The following PCDHGB5 variants were observed in gnomAD, a reference collection of about 807,000 sequenced individuals.
PCDHGB5 encodes the protein protocadherin gamma subfamily B, 5, also known as protocadherin gamma-B5.
In PCDHGB5, 48 loss-of-function variants were observed where a neutral mutation model predicts 62.9. The observed-to-expected ratio is 0.76, with a 90% CI of 0.61 to 0.97. The LOEUF is 0.97. PCDHGB5 is among the 50% of genes least tolerant of loss of function. PCDHGB5 has a pLI of 0.00. For synonymous variants in PCDHGB5, 474 were observed against 511.2 expected (o/e 0.93, Z 0.98); for missense variants, 1,118 against 1,198.6 (o/e 0.93, Z 0.99).
intron 2 of PCDHGB5, among the ~76,000 whole-genome samples, chr5:141,500,008 C>T (rs1027220192): frequency 6.6e-6 from 1 of 151,770 alleles, no homozygotes; most frequent in African/African-American, 2.4e-5. Flanking sequence ...TTCATAAGGT[C>T]CACATTTTAT....
In PCDHGB5 at chr5:141,400,210, A is replaced by C. The variant is rs201102949; in HGVS notation, c.2083A>C (p.Ile695Leu). 1.2e-3 allele frequency: 1,976 copies of C among 1,613,732 alleles called. 4 individuals are homozygous for C. The highest frequency in any genetic ancestry group is 1.6e-3 in the Non-Finnish European group (1,832 of 1,179,862). ...TTACCTAGTGGTGGCCTTGGCCTTG[A>C]TCTCAGTGCTCTTCCTCCTGGCCGT... Reference protein sequence around the residue: ...QFYLVVALALISVLFLLAVIL... With the variant: ...QFYLVVALALLSVLFLLAVIL... Residue 695 changes from isoleucine to leucine, a missense_variant, in exon 1 of 4, where the codon ATC (isoleucine) becomes CTC (leucine). Coordinates refer to ENST00000617380, the MANE Select transcript of PCDHGB5 (RefSeq NM_018925.3).
Position 141,398,834 on chromosome 5 carries a change from A to G in PCDHGB5, c.707A>G (p.Asn236Ser), listed in dbSNP as rs201953825. Residue 236 changes from asparagine to serine, a missense_variant, in exon 1 of 4, where the codon AAT becomes AGT. Asn to Ser is a conservative substitution (Grantham distance 46). Around this residue, in one of 2 missense-constraint regions of PCDHGB5, gnomAD observed 1,034 missense variants for 1,029.1 expected, o/e 1.00. Transcript: ENST00000617380. Reference sequence around the variant, plus strand: ...CTCCGGATCCAGGTAACCGACGCCAATGATAATCCCCCGGTATTCAACCGA... The same window carrying G: ...CTCCGGATCCAGGTAACCGACGCCAGTGATAATCCCCCGGTATTCAACCGA... The part of the protein sequence containing the change: ...TELRIQVTDA[N>S]DNPPVFNRDV... The G allele has an allele frequency of 3.9e-4, 623 of 1,614,014 alleles. 4 individuals are homozygous for G. In the South Asian group the frequency reaches 4.2e-3, roughly 11 times the overall value.
At chr5:141,468,774 G>A (rs1229480462) in intron 1 of PCDHGB5, among the ~76,000 whole-genome samples, 4 of 152,028 alleles carry the variant, frequency 2.6e-5, no homozygotes, top group Non-Finnish European at 4.4e-5. Flanking sequence ...GCTGAGGCAG[G>A]AGAATGGCGT....
At position 141,400,385 on chromosome 5, in the gene PCDHGB5, C is replaced by G. The variant is rs903146096; in HGVS notation, c.2258C>G (p.Ala753Gly). ...TLPYSYNLCV[A>G]HTGKTEFNFL... ...CCTTATTCCTACAACCTATGTGTTG[C>G]ACATACAGGAAAGACGGAGTTTAAT... The change falls in exon 1 of 4, where the codon GCA (alanine) becomes GGA (glycine). Residue 753 changes from alanine to glycine, a missense_variant. Ala to Gly is a moderately conservative substitution (Grantham distance 60). This residue lies in a region of PCDHGB5 where 1,034 missense variants were observed against 1,029.1 expected (regional missense o/e 1.00). Coordinates refer to ENST00000617380, the MANE Select transcript of PCDHGB5 (RefSeq NM_018925.3). 6.2e-7 allele frequency: 1 copy of G among 1,614,074 alleles called. No homozygotes were observed. Among genetic ancestry groups the G allele is most frequent in the Admixed American group, 1.7e-5 (1 of 60,034 alleles).
chr5:141,420,252 C>G (rs745697672), intron 1 of PCDHGB5: 2 of 1,576,604 alleles, frequency 1.3e-6, no homozygotes, highest in Non-Finnish European at 1.7e-6. Flanking sequence ...AGCGTTGAAG[C>G]AGATAAGAAG....
intron 1 of PCDHGB5, among the ~76,000 whole-genome samples, chr5:141,438,633 TATACACAC>T (rs1401551511): frequency 0.055 from 1,851 of 33,458 alleles, 10 homozygotes; most frequent in African/African-American, 0.082. Flanking sequence ...TATATATATA[TATACACAC>T]ACACACACAC....
chr5:141,431,622 C>T lies in PCDHGB5; in HGVS notation c.2397+31098C>T, dbSNP rs761448407. 3 of 1,614,070 alleles carry T rather than the reference C, an allele frequency of 1.9e-6. No individual in the cohort carries two copies. The African/African-American group carries it at 4.0e-5, about 22-fold the overall frequency. ...TCCTTCCGGTATGTGGACGACAAGGCGGCCCAAGTTTTCAAACTAGATTGT... is the reference window on the plus strand; with the variant it reads ...TCCTTCCGGTATGTGGACGACAAGGTGGCCCAAGTTTTCAAACTAGATTGT... On this transcript the variant is annotated intron_variant, in intron 1 of 3. Transcript: ENST00000617380. The surrounding 1 kb of genome is among the most constrained non-coding windows in gnomAD (Gnocchi z 4.8).
chr5:141,417,768 C>A lies in PCDHGB5; in HGVS notation c.2397+17244C>A, dbSNP rs1444250512. On this transcript the variant is annotated intron_variant, in intron 1 of 3. Coordinates refer to ENST00000617380, the MANE Select transcript of PCDHGB5 (RefSeq NM_018925.3). ...ATTGCCAGCTCCGAGACCCGGGACT[C>A]CTCCTGTCCTGGGCCGAATGCTCTT... is the stretch of plus-strand genomic sequence containing the variant. 1.3e-5 allele frequency: 19 copies of A among 1,451,358 alleles called. No individual in the cohort carries two copies. In the South Asian group the frequency reaches 1.7e-4, roughly 13 times the overall value. The allele number at this position is 1,451,358 out of a possible 1,614,324, so 89.9% of individuals were successfully genotyped here. A position where few individuals can be genotyped will look rare whatever the true frequency, so the allele number is the denominator to read the frequency against.
At chr5:141,471,495 T>A (rs539663010) in intron 1 of PCDHGB5, 1 of 152,318 alleles carries the variant, frequency 6.6e-6, no homozygotes, top group East Asian at 1.9e-4. Flanking sequence ...ATTTAGGGAA[T>A]GCAAGAGAGG....
intron 1 of PCDHGB5, chr5:141,418,549 C>T: frequency 6.2e-7 from 1 of 1,614,024 alleles, no homozygotes; most frequent in Non-Finnish European, 8.5e-7. Context: ...AGATAAGAAT[C>T]CTGGTAATAG....
chr5:141,489,943 A>G lies in PCDHGB5; in HGVS notation c.2398-4864A>G. ...CCTTATCTCTGTCATCGTGCTGGAC[A>G]TCAATGATAATGCTCCAACCTTCCA... On this transcript the variant is annotated intron_variant, in intron 1 of 3. Transcript: ENST00000617380. The surrounding 1 kb of genome is among the most constrained non-coding windows in gnomAD (Gnocchi z 4.5). 5.6e-6 allele frequency: 9 copies of G among 1,614,190 alleles called. No homozygotes were observed. Among genetic ancestry groups the G allele is most frequent in the Non-Finnish European group, 7.6e-6 (9 of 1,180,016 alleles).
intron 3 of PCDHGB5, among the ~76,000 whole-genome samples, chr5:141,510,330 C>T (rs1420880240): frequency 6.6e-6 from 1 of 151,298 alleles, no homozygotes; most frequent in Non-Finnish European, 1.5e-5. Context: ...GCACTCTTCA[C>T]CCCCACCCCA....
At chr5:141,496,048 G>A (rs1327057788) in intron 2 of PCDHGB5, among the ~76,000 whole-genome samples, 1 of 148,400 alleles carries the variant, frequency 6.7e-6, no homozygotes, top group Non-Finnish European at 1.5e-5. Context: ...TCATTTTTTT[G>A]TGCTTGTGGG....
At chr5:141,464,923 A>G (rs544281066) in intron 1 of PCDHGB5, among the ~76,000 whole-genome samples, 3 of 151,406 alleles carry the variant, frequency 2.0e-5, no homozygotes, top group Non-Finnish European at 4.4e-5. Flanking sequence ...ATTTTTTTGT[A>G]GAGATGTGAG....
intron 1 of PCDHGB5, chr5:141,468,667 CCATCCTGGCTAA>C (rs2099172391): frequency 6.7e-6 from 1 of 149,836 alleles, no homozygotes; most frequent in African/African-American, 2.5e-5. Flanking sequence ...GAGATCAAGA[CCATCCTGGCTAA>C]CACGGTGAAA....
chr5:141,468,458 G>A (rs1047447240), intron 1 of PCDHGB5: 3 of 152,134 alleles, frequency 2.0e-5, no homozygotes, highest in African/African-American at 7.2e-5. Flanking sequence ...ATTAAAGCAA[G>A]TTATTTCTGA....
At chr5:141,423,264 C>G (rs1452323474) in intron 1 of PCDHGB5, 1 of 1,613,986 alleles carries the variant, frequency 6.2e-7, no homozygotes. Flanking sequence ...TCGGCAGCCT[C>G]GAGTCTCTGG....
intron 1 of PCDHGB5, chr5:141,428,296 AT>A: frequency 1.4e-6 from 1 of 713,574 alleles, no homozygotes; most frequent in Non-Finnish European, 2.5e-6. Flanking sequence ...AAAGCTGCAG[AT>A]TTACCTGGTC....
intron 3 of PCDHGB5, 61 bp downstream of exon 3, chr5:141,505,542 A>G (rs2099846540): frequency 6.2e-7 from 1 of 1,604,832 alleles, no homozygotes; most frequent in African/African-American, 1.3e-5. Context: ...GGTGCATCTC[A>G]CAGCCACCAT....
Sources: allele counts gnomAD v4.1 joint callset (sites outside exome capture counted in the v4.1 genomes callset), GRCh38; gene constraint gnomAD v4.1.1; regional missense constraint gnomAD v4.1.1; non-coding constraint Gnocchi (gnomAD v3.1); transcripts MANE v1.5; gene names NCBI Gene and HGNC (gene_info 2026-07-23, HGNC 2026-07-21).